TRIM22: variants seen among roughly 807,000 people sequenced by gnomAD.
TRIM22 encodes the protein E3 ubiquitin-protein ligase TRIM22.
A neutral mutation model predicts 53.6 loss-of-function variants in TRIM22; 45 were observed. That is an observed-to-expected ratio of 0.84 (90% CI 0.66 to 1.08). The LOEUF (loss-of-function observed/expected upper bound fraction) is 1.08. Among genes scored for constraint, TRIM22 ranks in the 50% least tolerant of loss-of-function variants. The pLI is 0.00. For missense variants in TRIM22, 616 were observed against 590.9 expected, an observed-to-expected ratio of 1.04 and a Z score of -0.44; for synonymous variants, 225 against 216.6, an observed-to-expected ratio of 1.04 and a Z score of -0.34.
chr11:5,696,218 C>G lies in TRIM22; in HGVS notation c.-15C>G, dbSNP rs771142978. 35 of 1,585,942 alleles carry G rather than the reference C, an allele frequency of 2.2e-5. No homozygotes were observed. Among genetic ancestry groups the G allele is most frequent in the African/African-American group, 2.7e-5 (2 of 74,102 alleles). ...TTCAAGAGTCAAGACAGAAGGAAGCCAAGGGAGCAGTGCAATGGATTTCTC... is the reference window on the plus strand; with the variant it reads ...TTCAAGAGTCAAGACAGAAGGAAGCGAAGGGAGCAGTGCAATGGATTTCTC... On this transcript the variant is annotated 5_prime_UTR_variant, in exon 2 of 8. Coordinates refer to ENST00000379965, the MANE Select transcript of TRIM22 (RefSeq NM_006074.5).
chr11:5,706,588 C>G lies in TRIM22; in HGVS notation c.751-6C>G. ...TCTTGACTCATGTTTTCTATCTTTT[C>G]CCCAGGATGTGATTGACGTCATGAA... On this transcript the variant is annotated splice_region_variant and splice_polypyrimidine_tract_variant and intron_variant, in intron 4 of 7. Transcript: ENST00000379965. The G allele has an allele frequency of 6.2e-7, 1 of 1,611,952 alleles. No individual in the cohort carries two copies. Among genetic ancestry groups the G allele is most frequent in the Non-Finnish European group, 8.5e-7 (1 of 1,178,770 alleles).
chr11:5,696,679 G>T, intron 2 of TRIM22, 24 bp downstream of exon 2: 1 of 1,581,938 alleles, frequency 6.3e-7, no homozygotes, highest in South Asian at 1.2e-5. Context: ...TAGAGGAAGA[G>T]AGAGCAGAGA....
At chr11:5,693,721 C>A (rs150510086) in intron 1 of TRIM22, among the ~76,000 whole-genome samples, 154 of 87,412 alleles carry the variant, frequency 1.8e-3, no homozygotes, top group East Asian at 6.4e-3. Flanking sequence ...GACTCCGTCT[C>A]AAAAAAAAAA....
intron 1 of TRIM22, among the ~76,000 whole-genome samples, chr11:5,692,720 G>A (rs1337830917): frequency 2.3e-4 from 35 of 149,960 alleles, no homozygotes; most frequent in Non-Finnish European, 1.5e-5. Context: ...AGCACTTTGG[G>A]AAGCCAAGAC....
intron 1 of TRIM22, among the ~76,000 whole-genome samples, chr11:5,690,261 G>A (rs952232266): frequency 2.0e-5 from 3 of 152,152 alleles, no homozygotes; most frequent in Non-Finnish European, 4.4e-5. Flanking sequence ...CTGTGCAGAG[G>A]GGTGCTTCTT....
At chr11:5,708,541 C>A in intron 6 of TRIM22, 36 bp from the exon 7 acceptor site, 1 of 1,588,714 alleles carries the variant, frequency 6.3e-7, no homozygotes. Flanking sequence ...TACTTATTTG[C>A]TTCTAACAAC....
At chr11:5,708,675 T>A (rs940625166) in intron 7 of TRIM22, 72 bp downstream of exon 7, 3 of 1,338,894 alleles carry the variant, frequency 2.2e-6, no homozygotes, top group Non-Finnish European at 3.1e-6. Context: ...ATAATCTGAG[T>A]CTCATGTGTT....
At chr11:5,699,924 T>C (rs1017911182) in intron 4 of TRIM22, among the ~76,000 whole-genome samples, 1 of 151,980 alleles carries the variant, frequency 6.6e-6, no homozygotes, top group Admixed American at 6.6e-5. Context: ...CAAATTTCAA[T>C]TCTTCATTGC....
intron 4 of TRIM22, among the ~76,000 whole-genome samples, chr11:5,703,421 T>C (rs1389648390): frequency 2.0e-5 from 3 of 151,586 alleles, no homozygotes; most frequent in Non-Finnish European, 4.4e-5. Flanking sequence ...AGTCTTGCTC[T>C]GTCACCCAGG....
At position 5,708,569 on chromosome 11, in the gene TRIM22, C is replaced by T. The variant is rs758086864; in HGVS notation, c.875-8C>T. On this transcript the variant is annotated splice_region_variant and splice_polypyrimidine_tract_variant and intron_variant, in intron 6 of 7. Coordinates refer to ENST00000379965, the MANE Select transcript of TRIM22 (RefSeq NM_006074.5). The stretch of plus-strand genomic sequence containing the variant: ...CTAACAACATCACTGAAACTTTTGT[C>T]GTTTCAGAGCTGACAGATGTCCAGT... The T allele has an allele frequency of 2.9e-5, 46 of 1,601,640 alleles. No homozygotes were observed. The highest frequency in any genetic ancestry group is 3.4e-5 in the Non-Finnish European group (40 of 1,176,408).
At chr11:5,702,484 A>G (rs1036222721) in intron 4 of TRIM22, among the ~76,000 whole-genome samples, 10 of 150,016 alleles carry the variant, frequency 6.7e-5, no homozygotes, top group Non-Finnish European at 1.5e-4. Context: ...CACTATACAT[A>G]TATATATAAA....
At chr11:5,707,357 T>C (rs1430815830) in intron 5 of TRIM22, among the ~76,000 whole-genome samples, 1 of 152,188 alleles carries the variant, frequency 6.6e-6, no homozygotes, top group Admixed American at 6.5e-5. Flanking sequence ...GGATCCTACT[T>C]TGATATCTCT....
intron 4 of TRIM22, among the ~76,000 whole-genome samples, chr11:5,705,827 G>T (rs992258248): frequency 1.3e-5 from 2 of 152,142 alleles, no homozygotes; most frequent in Non-Finnish European, 2.9e-5. Flanking sequence ...TTGGGAAATA[G>T]TAAGTTACAT....
Position 5,696,600 on chromosome 11 carries a change from AG to A in TRIM22, c.370del (p.Glu124AsnfsTer10). ...ATTTGCTGGGTTTGTGAACTGTCTC[AG>A]GAACACCAAGGTCACCAAACATTCC... ...KVICWVCELS[Q>X]EHQGHQTFRI... is the part of the protein sequence containing the mutation. On this transcript the variant is annotated frameshift_variant, in exon 2 of 8. Transcript: ENST00000379965. LOFTEE classifies it high-confidence loss of function. 1 of 1,613,846 alleles carries A rather than the reference AG, an allele frequency of 6.2e-7. No homozygotes were observed. Among genetic ancestry groups the A allele is most frequent in the Non-Finnish European group, 8.5e-7 (1 of 1,180,034 alleles).
At chr11:5,691,368 T>A (rs552118721) in intron 1 of TRIM22, among the ~76,000 whole-genome samples, 3 of 152,006 alleles carry the variant, frequency 2.0e-5, no homozygotes, top group Non-Finnish European at 2.9e-5. Flanking sequence ...GGTAATTAGA[T>A]CGGAACAAAA....
At chr11:5,701,900 G>A (rs1027519591) in intron 4 of TRIM22, among the ~76,000 whole-genome samples, 31 of 151,824 alleles carry the variant, frequency 2.0e-4, no homozygotes, top group African/African-American at 7.0e-4. Context: ...AAATTAAAAC[G>A]CCTACCATTT....
intron 1 of TRIM22, among the ~76,000 whole-genome samples, chr11:5,695,101 G>A (rs17397821): frequency 0.31 from 46,820 of 152,074 alleles, 7,283 homozygotes; most frequent in South Asian, 0.42. Context: ...AAAAGTCCCA[G>A]GTCTATGAAT....
chr11:5,697,173 T>G, intron 2 of TRIM22, 75 bp from the exon 3 acceptor site: 1 of 1,166,228 alleles, frequency 8.6e-7, no homozygotes, highest in Non-Finnish European at 1.2e-6. Flanking sequence ...AGCCATCCAA[T>G]TTCTTCCTTG....
intron 5 of TRIM22, 124 bp downstream of exon 5, chr11:5,706,740 G>C: frequency 1.0e-6 from 1 of 985,526 alleles, no homozygotes; most frequent in South Asian, 1.9e-5. Flanking sequence ...GTATTAAATT[G>C]TCCCAAATTG....
Sources: gnomAD v4.1 joint callset for allele counts (sites outside exome capture counted in the v4.1 genomes callset) on GRCh38, gnomAD v4.1.1 for gene constraint, MANE v1.5 for transcripts, NCBI Gene and HGNC (gene_info 2026-07-23, HGNC 2026-07-21) for gene names.